The following MAEA variants were observed in gnomAD, a reference collection of about 807,000 sequenced individuals.
MAEA encodes the protein macrophage erythroblast attacher, E3 ubiquitin ligase.
Under a neutral mutation model 46.2 loss-of-function variants are expected in MAEA, and 22 were observed. The observed-to-expected ratio is 0.48, with a 90% CI of 0.34 to 0.68. MAEA has a LOEUF of 0.68. MAEA is among the 30% of genes least tolerant of loss of function. MAEA has a pLI of 0.01. For synonymous variants in MAEA, 246 were observed against 222.6 expected, an observed-to-expected ratio of 1.11 and a Z score of -0.94; for missense variants, 393 against 558.1, an observed-to-expected ratio of 0.70 and a Z score of 2.98.
rs187958346 is a variant in MAEA, at chr4:1,338,726, A to G, written c.1095+109A>G. Reference sequence around the variant, plus strand: ...CAGGCTGGCACGCATCGCCATCGGGACAGGGCTGTGTGGGACGGGCAGGGC... The same window carrying G: ...CAGGCTGGCACGCATCGCCATCGGGGCAGGGCTGTGTGGGACGGGCAGGGC... On this transcript the variant is annotated intron_variant, in intron 8 of 8. Transcript: ENST00000303400. 1,163 of 720,134 alleles carry G rather than the reference A, an allele frequency of 1.6e-3. 12 individuals are homozygous for G. In the African/African-American group the frequency reaches 0.02, roughly 12 times the overall value. 44.6% of individuals were successfully genotyped at this position (720,134 alleles called of 1,614,324 possible).
At chr4:1,331,568 T>G (rs1333921729) in intron 5 of MAEA, 2 of 152,332 alleles carry the variant, frequency 1.3e-5, no homozygotes, top group Non-Finnish European at 2.9e-5. Context: ...CCTGTGTTCC[T>G]TGGTACATGC....
At chr4:1,309,582 G>A (rs1736211912) in intron 1 of MAEA, 20 of 1,496,442 alleles carry the variant, frequency 1.3e-5, no homozygotes, top group Non-Finnish European at 1.8e-5. Context: ...TGGAGGAGGA[G>A]CAGAGGCAGG....
At position 1,322,584 on chromosome 4, in the gene MAEA, C is replaced by T. The variant is rs2108959497; in HGVS notation, c.579+81C>T. 4 of 1,564,432 alleles carry T rather than the reference C, an allele frequency of 2.6e-6. No individual in the cohort carries two copies. In the South Asian group the frequency reaches 4.7e-5, roughly 18 times the overall value. On this transcript the variant is annotated intron_variant, in intron 4 of 8. Transcript: ENST00000303400. ...TGCCCTGGAGCCAGCACCCCCTTGC[C>T]TGGTGGTTCACAGTAGTTTGGTTTT...
intron 3 of MAEA, among the ~76,000 whole-genome samples, chr4:1,320,030 A>G (rs964867121): frequency 1.3e-5 from 2 of 151,784 alleles, no homozygotes; most frequent in Admixed American, 1.3e-4. Flanking sequence ...AAGGGGCTCC[A>G]GAAAAGAAAT....
chr4:1,334,398 C>T (rs1037115089), intron 6 of MAEA, among the ~76,000 whole-genome samples: 7 of 152,116 alleles, frequency 4.6e-5, no homozygotes, highest in African/African-American at 1.4e-4. Context: ...CTGAATTCTC[C>T]TGGTTCTCAG....
At chr4:1,332,697 C>G (rs1712000657) in intron 5 of MAEA, 60 bp from the exon 6 acceptor site, 3 of 1,342,634 alleles carry the variant, frequency 2.2e-6, no homozygotes, top group Non-Finnish European at 3.2e-6. Flanking sequence ...GAGTGAAACC[C>G]TGTCTCTAAA....
chr4:1,330,061 T>A, intron 5 of MAEA: 1 of 985,542 alleles, frequency 1.0e-6, no homozygotes, highest in East Asian at 1.1e-4. Context: ...CCTCGTTGGC[T>A]GGGGTGGCTG....
intron 5 of MAEA, chr4:1,330,308 G>C (rs997339582): frequency 1.4e-5 from 1 of 72,620 alleles, no homozygotes; most frequent in African/African-American, 1.5e-4. Context: ...TCTTCTGGGT[G>C]TTTCTCTCTC....
At chr4:1,290,307 T>A (rs1185295331) in intron 1 of MAEA, among the ~76,000 whole-genome samples, 1 of 152,144 alleles carries the variant, frequency 6.6e-6, no homozygotes, top group African/African-American at 2.4e-5. Flanking sequence ...GCGTGGGGTC[T>A]CTGGCGCCCA....
rs1560399333 is a variant in MAEA at position 1,339,115 on chromosome 4, G to A, written c.1137G>A (p.Pro379=). The A allele has an allele frequency of 3.1e-6, 5 of 1,613,946 alleles. No individual in the cohort carries two copies. Among genetic ancestry groups the A allele is most frequent in the South Asian group, 2.2e-5 (2 of 91,076 alleles). The part of the protein sequence containing the change: ...SIRQDDKVVC[P]RTKEVFHFSQ... ...GTCAAGATGATAAAGTCGTGTGCCC[G>A]AGAACCAAAGAAGTCTTCCACTTCT... Residue 379 remains proline, a synonymous_variant, in exon 9 of 9, where the codon CCG becomes CCA. Coordinates refer to ENST00000303400, the MANE Select transcript of MAEA (RefSeq NM_001017405.3).
chr4:1,302,269 A>G (rs1233216502), intron 1 of MAEA, among the ~76,000 whole-genome samples: 3 of 152,248 alleles, frequency 2.0e-5, no homozygotes, highest in Non-Finnish European at 4.4e-5. Context: ...AATCATCTCA[A>G]TAGATGCAAC....
chr4:1,297,461 A>ATGTGTGTGTGTGTGTGTG lies in MAEA; in HGVS notation c.69+7490_69+7491insGTGTGTGTGTGTGTGTGT, dbSNP rs553309107. On this transcript the variant is annotated intron_variant, in intron 1 of 8. Coordinates refer to ENST00000303400, the MANE Select transcript of MAEA (RefSeq NM_001017405.3). Reference sequence around the variant, plus strand: ...GAGGAGCCTGAAAAAGTACGTGCGTATGTGTGTGTGTATACATACATATAG... The same window carrying ATGTGTGTGTGTGTGTGTG: ...GAGGAGCCTGAAAAAGTACGTGCGTATGTGTGTGTGTGTGTGTGTGTGTGTGTGTATACATACATATAG... 6.2e-4 allele frequency among the ~76,000 whole-genome samples: 93 copies of ATGTGTGTGTGTGTGTGTG among 151,186 alleles called. 1 individual carries two copies. In the East Asian group the frequency reaches 0.017, roughly 27 times the overall value.
intron 1 of MAEA, among the ~76,000 whole-genome samples, chr4:1,294,797 G>A (rs116283383): frequency 0.14 from 21,104 of 145,806 alleles, 3,170 homozygotes; most frequent in East Asian, 0.41. Flanking sequence ...GGCAGGGGAC[G>A]GGGGTGGGGC....
intron 1 of MAEA, among the ~76,000 whole-genome samples, chr4:1,305,016 G>A (rs1577150497): frequency 6.6e-6 from 1 of 152,218 alleles, no homozygotes; most frequent in Admixed American, 6.5e-5. Flanking sequence ...TTGTACTGAT[G>A]TTTCTGTCTT....
Position 1,311,160 on chromosome 4 carries a change from G to A in MAEA, c.70-819G>A, listed in dbSNP as rs539602848. On this transcript the variant is annotated intron_variant, in intron 1 of 8. Transcript: ENST00000303400. The surrounding 1 kb of genome is among the most constrained non-coding windows in gnomAD (Gnocchi z 4.4). ...AGAGTTGGGCCCACTGCTCTTGGGC[G>A]GCAGCACGGCCGTGTTGCTGATGCG... Among the ~76,000 whole-genome samples the A allele has an allele frequency of 9.2e-5, 14 of 152,332 alleles. No individual in the cohort carries two copies. In the South Asian group the frequency reaches 1.5e-3, roughly 16 times the overall value.
intron 5 of MAEA, among the ~76,000 whole-genome samples, chr4:1,327,992 C>A (rs986456684): frequency 6.6e-6 from 1 of 152,244 alleles, no homozygotes; most frequent in Admixed American, 6.5e-5. Flanking sequence ...CGACCGTCCA[C>A]GTAAAACACG....
chr4:1,309,539 CT>C (rs1560343143), intron 1 of MAEA: 2 of 1,417,338 alleles, frequency 1.4e-6, no homozygotes, highest in Non-Finnish European at 1.9e-6. Flanking sequence ...CGCTCATCCC[CT>C]GAACTCAGAT....
At chr4:1,336,289 C>T (rs1210119045) in intron 6 of MAEA, among the ~76,000 whole-genome samples, 8 of 151,346 alleles carry the variant, frequency 5.3e-5, no homozygotes, top group African/African-American at 1.7e-4. Flanking sequence ...GGCCTCACAG[C>T]GTGTTGAAAT....
At chr4:1,294,927 T>G (rs1226013760) in intron 1 of MAEA, among the ~76,000 whole-genome samples, 1 of 151,990 alleles carries the variant, frequency 6.6e-6, no homozygotes, top group African/African-American at 2.4e-5. Flanking sequence ...CGTGTTGAAG[T>G]CCTGGCCGGC....
Sources: allele counts gnomAD v4.1 joint callset (sites outside exome capture counted in the v4.1 genomes callset), GRCh38; gene constraint gnomAD v4.1.1; non-coding constraint Gnocchi (gnomAD v3.1); transcripts MANE v1.5; gene names NCBI Gene and HGNC (gene_info 2026-07-23, HGNC 2026-07-21).